Variants in ADCY2 observed in about 807,000 individuals in gnomAD.
The protein encoded by ADCY2 is adenylate cyclase type 2.
A neutral mutation model predicts 125.2 loss-of-function variants in ADCY2; 31 were observed. The observed-to-expected ratio is 0.25, with a 90% confidence interval of 0.19 to 0.33. ADCY2 has a LOEUF of 0.33. Ranked by LOEUF, ADCY2 falls within the 10% of genes least tolerant of loss-of-function variation. The pLI is 1.00. For synonymous variants in ADCY2, 512 were observed against 548.4 expected (o/e 0.93, Z 0.93); for missense variants, 904 against 1,418.2 (o/e 0.64, Z 5.82).
At chr5:7,469,663 T>C (rs1474099440) in intron 2 of ADCY2, among the ~76,000 whole-genome samples, 1 of 151,882 alleles carries the variant, frequency 6.6e-6, no homozygotes, top group Non-Finnish European at 1.5e-5. Context: ...TCAAATCCTT[T>C]CTTATTATTC....
intron 5 of ADCY2, among the ~76,000 whole-genome samples, chr5:7,692,577 A>G (rs1252980303): frequency 6.6e-5 from 10 of 152,198 alleles, no homozygotes; most frequent in Non-Finnish European, 1.5e-4. Context: ...ATCTAAGTGT[A>G]TTATGCTATT....
chr5:7,411,889 A>C (rs1373876136), intron 1 of ADCY2, among the ~76,000 whole-genome samples: 1 of 151,860 alleles, frequency 6.6e-6, no homozygotes, highest in Non-Finnish European at 1.5e-5. Context: ...TCCCGGCTAA[A>C]ACGGTGAAAC....
At chr5:7,477,386 A>G (rs942998708) in intron 2 of ADCY2, among the ~76,000 whole-genome samples, 3 of 152,238 alleles carry the variant, frequency 2.0e-5, no homozygotes, top group African/African-American at 7.2e-5. Flanking sequence ...AAAGGAATAC[A>G]TAGATGAAGT....
At chr5:7,522,935 A>C (rs1029228528) in intron 3 of ADCY2, among the ~76,000 whole-genome samples, 48 of 140,322 alleles carry the variant, frequency 3.4e-4, no homozygotes, top group East Asian at 8.4e-4. Context: ...CAAAAAAAAA[A>C]CAAAAAAAAA....
chr5:7,825,179 C>T (rs867146811), intron 24 of ADCY2, among the ~76,000 whole-genome samples: 2,128 of 149,906 alleles, frequency 0.014, 85 homozygotes, highest in African/African-American at 0.048. Flanking sequence ...CGCTGCTGTG[C>T]GCCACGACAA....
At chr5:7,558,210 G>A (rs13179678) in intron 3 of ADCY2, among the ~76,000 whole-genome samples, 45,623 of 151,848 alleles carry the variant, frequency 0.3, 8,016 homozygotes, top group Non-Finnish European at 0.4. Flanking sequence ...ACGCCACCAC[G>A]CCTGGCTAAT....
At chr5:7,652,087 C>T (rs1221215895) in intron 4 of ADCY2, among the ~76,000 whole-genome samples, 1 of 152,192 alleles carries the variant, frequency 6.6e-6, no homozygotes, top group Non-Finnish European at 1.5e-5. Flanking sequence ...CAGGCGTGAG[C>T]CCCCGCACCT....
chr5:7,508,778 A>C (rs1347894044), intron 2 of ADCY2, among the ~76,000 whole-genome samples: 2 of 152,178 alleles, frequency 1.3e-5, no homozygotes, highest in Non-Finnish European at 2.9e-5. Context: ...TAGGAAACCG[A>C]GGAAAATGCA....
chr5:7,512,604 TTGCATCCAC>T (rs1744109343), intron 2 of ADCY2, among the ~76,000 whole-genome samples: 3 of 152,172 alleles, frequency 2.0e-5, no homozygotes, highest in Non-Finnish European at 4.4e-5. Flanking sequence ...CTTGTGAAAA[TTGCATCCAC>T]ATATTCCAGG....
chr5:7,453,438 T>TA (rs1384111285), intron 2 of ADCY2, among the ~76,000 whole-genome samples: 1 of 152,162 alleles, frequency 6.6e-6, no homozygotes, highest in African/African-American at 2.4e-5. Context: ...ACCCCCACCT[T>TA]CAGCAACAAC....
chr5:7,409,447 A>T (rs549665154), intron 1 of ADCY2, among the ~76,000 whole-genome samples: 1 of 152,358 alleles, frequency 6.6e-6, no homozygotes, highest in South Asian at 2.1e-4. Context: ...GGTTATTCAG[A>T]ATTGTGCTTT....
At chr5:7,455,670 TATA>T (rs936412334) in intron 2 of ADCY2, among the ~76,000 whole-genome samples, 6 of 147,592 alleles carry the variant, frequency 4.1e-5, no homozygotes, top group African/African-American at 1.2e-4. Flanking sequence ...AATATATAAT[TATA>T]ATACATACAT....
Position 7,523,257 on chromosome 5 carries a change from ACTGT to A in ADCY2, c.570+2359_570+2362del, listed in dbSNP as rs1744524386. ...CTTTATGTATTGCAGGTCACTGAATACTGTATTCTTTATTGAGCTGGGTTTTTTG... is the reference window on the plus strand; with the variant it reads ...CTTTATGTATTGCAGGTCACTGAATAATTCTTTATTGAGCTGGGTTTTTTG... On this transcript the variant is annotated intron_variant, in intron 3 of 24. Coordinates refer to ENST00000338316, the MANE Select transcript of ADCY2 (RefSeq NM_020546.3). Among the ~76,000 whole-genome samples, 3 of 151,676 alleles carry A rather than the reference ACTGT, an allele frequency of 2.0e-5. No homozygotes were observed. The East Asian group carries it at 5.8e-4, about 29-fold the overall frequency.
Position 7,632,251 on chromosome 5 carries a change from T to G in ADCY2, c.720+5935T>G, listed in dbSNP as rs139304113. 3.5e-3 allele frequency among the ~76,000 whole-genome samples: 540 copies of G among 152,312 alleles called. 4 individuals carry two copies. The highest frequency in any genetic ancestry group is 0.013 in the African/African-American group (523 of 41,568). On this transcript the variant is annotated intron_variant, in intron 4 of 24. Coordinates refer to ENST00000338316, the MANE Select transcript of ADCY2 (RefSeq NM_020546.3). ...TTGGCTCAGATATAAAGGCCTTGCC[T>G]GGGTTCTGACATCTCAGACCATTAA...
intron 2 of ADCY2, among the ~76,000 whole-genome samples, chr5:7,479,330 T>C (rs1355973557): frequency 1.3e-5 from 2 of 152,064 alleles, no homozygotes; most frequent in Non-Finnish European, 2.9e-5. Flanking sequence ...TTTACTCAAA[T>C]GTAAGAAGAA....
chr5:7,600,541 G>C (rs766596196), intron 3 of ADCY2, among the ~76,000 whole-genome samples: 20 of 152,218 alleles, frequency 1.3e-4, no homozygotes, highest in Non-Finnish European at 2.5e-4. Context: ...GGAGACGAAA[G>C]TGAGAGGAAG....
At chr5:7,638,966 A>G (rs1738600988) in intron 4 of ADCY2, among the ~76,000 whole-genome samples, 1 of 152,096 alleles carries the variant, frequency 6.6e-6, no homozygotes, top group Admixed American at 6.6e-5. Flanking sequence ...TGATGGTTTT[A>G]AAAACAGGAG....
rs73046333 is a variant in ADCY2 at position 7,485,373 on chromosome 5, A to G, written c.409-35365A>G. Among the ~76,000 whole-genome samples, 884 of 152,320 alleles carry G rather than the reference A, an allele frequency of 5.8e-3. 3 individuals are homozygous for G. The highest frequency in any genetic ancestry group is 0.02 in the African/African-American group (846 of 41,580). The stretch of plus-strand genomic sequence containing the variant: ...AATAAAATCAAAATAAAATAGACAA[A>G]GACATGAATGTAAAATTCGTGGAAC... On this transcript the variant is annotated intron_variant, in intron 2 of 24. Transcript: ENST00000338316.
chr5:7,424,571 T>A (rs1740320415), intron 2 of ADCY2, among the ~76,000 whole-genome samples: 1 of 152,248 alleles, frequency 6.6e-6, no homozygotes, highest in Admixed American at 6.5e-5. Flanking sequence ...GATTGTTCTA[T>A]TTGAACCACT....
Sources: gnomAD v4.1 joint callset for allele counts (sites outside exome capture counted in the v4.1 genomes callset) on GRCh38, gnomAD v4.1.1 for gene constraint, MANE v1.5 for transcripts, NCBI Gene and HGNC (gene_info 2026-07-23, HGNC 2026-07-21) for gene names.